C6orf132: variants seen among roughly 807,000 people sequenced by gnomAD.
The protein encoded by C6orf132 is uncharacterized protein C6orf132.
C6orf132 carries 43 observed loss-of-function variants against 65.3 expected under a neutral mutation model. That is an observed-to-expected ratio of 0.66 (90% CI 0.52 to 0.85). C6orf132 has a LOEUF of 0.85. C6orf132 is among the 40% of genes least tolerant of loss of function. C6orf132 has a pLI of 0.00. For synonymous variants in C6orf132, 631 were observed against 654.1 expected (o/e 0.96, Z 0.54); for missense variants, 1,488 against 1,548.8 (o/e 0.96, Z 0.66).
In C6orf132 at chr6:42,142,470, G is replaced by A. The variant is rs1206348148; in HGVS notation, c.-26C>T. 3 of 1,547,112 alleles carry A rather than the reference G, an allele frequency of 1.9e-6. No individual in the cohort carries two copies. In the South Asian group the frequency reaches 3.6e-5, roughly 18 times the overall value. ...GCTGCCGCAGCCCGCGCGGGCGCCAGGGAAGGACCTTCCCTCCCTCGCCCT... is the reference window on the plus strand; with the variant it reads ...GCTGCCGCAGCCCGCGCGGGCGCCAAGGAAGGACCTTCCCTCCCTCGCCCT... On this transcript the variant is annotated 5_prime_UTR_variant, in exon 1 of 5. Transcript: ENST00000341865.
chr6:42,137,108 G>A (rs887503589), intron 1 of C6orf132, among the ~76,000 whole-genome samples: 4 of 152,220 alleles, frequency 2.6e-5, no homozygotes, highest in Non-Finnish European at 4.4e-5. Flanking sequence ...GAATGGCTGA[G>A]TCATTTCACC....
intron 2 of C6orf132, among the ~76,000 whole-genome samples, chr6:42,115,421 C>T (rs1024527155): frequency 1.3e-5 from 2 of 151,422 alleles, no homozygotes; most frequent in Admixed American, 6.6e-5. Context: ...CTGAGGCGGG[C>T]GGATCATGAG....
At chr6:42,130,062 G>C (rs1282840849) in intron 1 of C6orf132, among the ~76,000 whole-genome samples, 3 of 152,302 alleles carry the variant, frequency 2.0e-5, no homozygotes, top group East Asian at 3.9e-4. Flanking sequence ...GGAGGCTCCT[G>C]GGAGCGCCCC....
Position 42,106,308 on chromosome 6 carries a change from C to T in C6orf132, c.1604G>A (p.Ser535Asn). 6.5e-7 allele frequency: 1 copy of T among 1,536,678 alleles called. No homozygotes were observed. The highest frequency in any genetic ancestry group is 1.2e-5 in the South Asian group (1 of 84,012). Reference protein sequence around the residue: ...PGVPEKSLGGSSLTETEAAPS... With the variant: ...PGVPEKSLGGNSLTETEAAPS... ...GGCAGCCTCTGTCTCTGTCAGGCTG[C>T]TGCCGCCAAGACTCTTTTCAGGAAC... Residue 535 changes from serine (S) to asparagine (N), a missense_variant, in exon 4 of 5, where the codon AGC becomes AAC. By Grantham distance (46) the Ser-to-Asn change is conservative (BLOSUM62 1). Transcript: ENST00000341865.
Position 42,107,181 on chromosome 6 carries a change from G to A in C6orf132, c.731C>T (p.Thr244Ile). Residue 244 changes from threonine to isoleucine, a missense_variant, in exon 4 of 5, where the codon ACA becomes ATA. By Grantham distance (89) the Thr-to-Ile change is moderately conservative (BLOSUM62 -1). Transcript: ENST00000341865. ...PAPPAPASPH[T>I]VGTRLFPPGG... ...AGGGGGAAAGAGACGAGTCCCCACT[G>A]TGTGAGGAGATGCTGGAGCTGGGGG... 7.0e-7 allele frequency: 1 copy of A among 1,432,516 alleles called. No individual in the cohort carries two copies. Among genetic ancestry groups the A allele is most frequent in the Non-Finnish European group, 9.1e-7 (1 of 1,097,568 alleles). The allele number at this position is 1,432,516 out of a possible 1,614,324, so 88.7% of individuals were successfully genotyped here. A position where few individuals can be genotyped will look rare whatever the true frequency, so the allele number is the denominator to read the frequency against.
intron 2 of C6orf132, among the ~76,000 whole-genome samples, chr6:42,126,025 C>G (rs909304569): frequency 6.6e-6 from 1 of 152,170 alleles, no homozygotes; most frequent in Non-Finnish European, 1.5e-5. Flanking sequence ...ACAGCAGGAG[C>G]CACTCCAGGG....
In C6orf132 at chr6:42,106,667, A is replaced by C. The variant is rs1254413268; in HGVS notation, c.1245T>G (p.Pro415=). 1.3e-5 allele frequency: 15 copies of C among 1,172,628 alleles called. No homozygotes were observed. Among genetic ancestry groups the C allele is most frequent in the Non-Finnish European group, 1.6e-5 (15 of 938,524 alleles). 72.6% of individuals were successfully genotyped at this position (1,172,628 alleles called of 1,614,324 possible). ...CTGCCTTCTGAGCACAGGGCAAAGG[A>C]GGTGCAGCTGGGGGAAGTGGGGGTG... ...PPAPPLPPAA[P]PLPCAQKAAH... The change falls in exon 4 of 5, where the codon CCT becomes CCG. Residue 415 remains proline (P), a synonymous_variant. Transcript: ENST00000341865.
chr6:42,130,603 G>A (rs940290180), intron 1 of C6orf132, among the ~76,000 whole-genome samples: 1 of 152,070 alleles, frequency 6.6e-6, no homozygotes, highest in Non-Finnish European at 1.5e-5. Flanking sequence ...TCTCTGCACC[G>A]ATGTTGGGAT....
Position 42,106,073 on chromosome 6 carries a change from A to G in C6orf132, c.1839T>C (p.Pro613=), listed in dbSNP as rs1766397813. 1 of 1,537,122 alleles carries G rather than the reference A, an allele frequency of 6.5e-7. No individual in the cohort carries two copies. Among genetic ancestry groups the G allele is most frequent in the African/African-American group, 1.4e-5 (1 of 73,046 alleles). The change falls in exon 4 of 5, where the codon CCT becomes CCC. Residue 613 remains proline (P), a synonymous_variant. Transcript: ENST00000341865. ...NGADDDKLSK[P]VAKNLPPQST... is the part of the protein sequence containing the mutation. ...ATTGAGGTGGCAGATTCTTGGCCAC[A>G]GGCTTGGAGAGTTTGTCATCATCAG...
intron 3 of C6orf132, among the ~76,000 whole-genome samples, chr6:42,107,870 C>G (rs749863919): frequency 1.3e-5 from 2 of 152,130 alleles, no homozygotes; most frequent in Admixed American, 6.5e-5. Context: ...TAACCTGTGC[C>G]GGGACTCCCT....
At chr6:42,139,153 C>G (rs1229779656) in intron 1 of C6orf132, among the ~76,000 whole-genome samples, 1 of 152,218 alleles carries the variant, frequency 6.6e-6, no homozygotes, top group Non-Finnish European at 1.5e-5. Flanking sequence ...TGATTTTCCT[C>G]CCTTCCATTC....
chr6:42,107,101 C>T lies in C6orf132; in HGVS notation c.811G>A (p.Ala271Thr), dbSNP rs1766424430. ...DVALNGRQAEATRASPPRSPA... is the reference protein window; with the variant it reads ...DVALNGRQAETTRASPPRSPA... ...CTTCTCGGGGGGCTGGCTCTGGTGG[C>T]CTCTGCCTGCCTGCCATTCAGTGCT... is the stretch of plus-strand genomic sequence containing the variant. The change falls in exon 4 of 5, where the codon GCC (alanine) becomes ACC (threonine). Residue 271 changes from alanine (A) to threonine (T), a missense_variant. Coordinates refer to ENST00000341865, the MANE Select transcript of C6orf132 (RefSeq NM_001164446.3). 1.4e-6 allele frequency: 2 copies of T among 1,457,488 alleles called. No homozygotes were observed. Among genetic ancestry groups the T allele is most frequent in the Admixed American group, 2.6e-5 (1 of 38,308 alleles). The allele number at this position is 1,457,488 out of a possible 1,614,324, so 90.3% of individuals were successfully genotyped here.
rs1012710243 is a variant in C6orf132 at position 42,106,613 on chromosome 6, G to A, written c.1299C>T (p.Thr433=). Residue 433 remains threonine (T), a synonymous_variant, in exon 4 of 5, where the codon ACC becomes ACT. Coordinates refer to ENST00000341865, the MANE Select transcript of C6orf132 (RefSeq NM_001164446.3). The part of the protein sequence containing the change: ...AAHPPAGFTK[T]PKSSSPALKP... ...TGAGAGCAGGAGAGCTGGATTTAGG[G>A]GTTTTTGTAAACCCAGCAGGTGGAT... The A allele has an allele frequency of 1.3e-6, 2 of 1,535,042 alleles. No individual in the cohort carries two copies. Among genetic ancestry groups the A allele is most frequent in the South Asian group, 2.4e-5 (2 of 83,984 alleles).
Position 42,105,544 on chromosome 6 carries a change from C to T in C6orf132, c.2368G>A (p.Ala790Thr). The T allele has an allele frequency of 6.5e-7, 1 of 1,535,054 alleles. No individual in the cohort carries two copies. The highest frequency in any genetic ancestry group is 2.4e-5 in the East Asian group (1 of 40,856). ...REVAVVMPTL[A>T]RGGAAGPGEP... ...CCTGGCCCTGCAGCCCCTCCTCTGG[C>T]CAGGGTGGGCATCACCACAGCAACC... Residue 790 changes from alanine to threonine, a missense_variant, in exon 4 of 5, where the codon GCC becomes ACC. Transcript: ENST00000341865.
Position 42,138,190 on chromosome 6 carries a change from A to C in C6orf132, c.145+4110T>G, listed in dbSNP as rs184787907. ...AGGACAGGATCTTGCTCTGTCACCC[A>C]GGCTGGAGTGCAGTGGTGCCATCAT... On this transcript the variant is annotated intron_variant, in intron 1 of 4. Transcript: ENST00000341865. Among the ~76,000 whole-genome samples, 33 of 152,360 alleles carry C rather than the reference A, an allele frequency of 2.2e-4. No individual in the cohort carries two copies. In the East Asian group the frequency reaches 6.0e-3, roughly 28 times the overall value.
chr6:42,107,080 T>G lies in C6orf132; in HGVS notation c.832A>C (p.Arg278=). ...CTCCCCTTTGGCTCAGCAGGGCTTC[T>G]CGGGGGGCTGGCTCTGGTGGCCTCT... ...QAEATRASPP[R]SPAEPKGSAL... is the part of the protein sequence containing the mutation. The change falls in exon 4 of 5, where the codon AGA becomes CGA. Residue 278 remains arginine (R), a synonymous_variant. Coordinates refer to ENST00000341865, the MANE Select transcript of C6orf132 (RefSeq NM_001164446.3). 1 of 1,469,258 alleles carries G rather than the reference T, an allele frequency of 6.8e-7. No homozygotes were observed. Among genetic ancestry groups the G allele is most frequent in the Non-Finnish European group, 9.0e-7 (1 of 1,112,380 alleles). The allele number at this position is 1,469,258 out of a possible 1,614,324, so 91.0% of individuals were successfully genotyped here. A position where few individuals can be genotyped will look rare whatever the true frequency, so the allele number is the denominator to read the frequency against.
In C6orf132 at chr6:42,105,504, A is replaced by C. The variant is rs1332301453; in HGVS notation, c.2408T>G (p.Val803Gly). ...GAAGPGEPVE[V>G]KEPPGLPAKP... ...GGCTGGCAGCCCTGGGGGCTCCTTC[A>C]CCTCCACGGGCTCCCCTGGCCCTGC... Residue 803 changes from valine to glycine, a missense_variant, in exon 4 of 5, where the codon GTG (valine) becomes GGG (glycine). By Grantham distance (109) the Val-to-Gly change is moderately radical (BLOSUM62 -3). Coordinates refer to ENST00000341865, the MANE Select transcript of C6orf132 (RefSeq NM_001164446.3). 1 of 1,532,336 alleles carries C rather than the reference A, an allele frequency of 6.5e-7. No homozygotes were observed. The allele number at this position is 1,532,336 out of a possible 1,614,324, so 94.9% of individuals were successfully genotyped here.
At chr6:42,138,979 G>A (rs1412837487) in intron 1 of C6orf132, among the ~76,000 whole-genome samples, 1 of 152,078 alleles carries the variant, frequency 6.6e-6, no homozygotes, top group Non-Finnish European at 1.5e-5. Context: ...ATACATATTA[G>A]AGAAATTCTG....
chr6:42,115,112 A>G (rs1001287936), intron 2 of C6orf132, among the ~76,000 whole-genome samples: 5 of 151,330 alleles, frequency 3.3e-5, no homozygotes, highest in African/African-American at 1.2e-4. Context: ...CAACATGGTG[A>G]AATCCCATCT....
Sources: gnomAD v4.1 joint callset for allele counts (sites outside exome capture counted in the v4.1 genomes callset) on GRCh38, gnomAD v4.1.1 for gene constraint, MANE v1.5 for transcripts, NCBI Gene and HGNC (gene_info 2026-07-23, HGNC 2026-07-21) for gene names.